Variants in DISC1 observed in about 807,000 individuals in gnomAD.
The protein encoded by DISC1 is DISC1 scaffold protein, also known as disrupted in schizophrenia 1 protein.
Under a neutral mutation model 84.5 loss-of-function variants are expected in DISC1, and 57 were observed. The observed-to-expected ratio is 0.67, with a 90% CI of 0.55 to 0.84. The LOEUF (loss-of-function observed/expected upper bound fraction) is 0.84. Ranked by LOEUF, DISC1 falls within the 40% of genes least tolerant of loss-of-function variation. The probability of loss-of-function intolerance (pLI) is 0.00; values close to 1 mark genes in which losing one functional copy is unlikely to be tolerated. For missense variants in DISC1, 1,000 were observed against 1,057.8 expected, an observed-to-expected ratio of 0.95 and a Z score of 0.76; for synonymous variants, 411 against 415.2, an observed-to-expected ratio of 0.99 and a Z score of 0.12.
At chr1:231,914,147 C>T (rs900819592) in intron 9 of DISC1, among the ~76,000 whole-genome samples, 6 of 152,194 alleles carry the variant, frequency 3.9e-5, no homozygotes, top group African/African-American at 7.2e-5. Context: ...CTTCTGTTTA[C>T]AATACGGCTG....
intron 10 of DISC1, among the ~76,000 whole-genome samples, chr1:231,967,216 C>T (rs1045935797): frequency 1.3e-5 from 2 of 152,200 alleles, no homozygotes; most frequent in Non-Finnish European, 2.9e-5. Flanking sequence ...GGTCTGTTCC[C>T]TCACCCAAGG....
intron 3 of DISC1, chr1:231,720,961 G>A (rs973490811): frequency 7.7e-7 from 1 of 1,290,940 alleles, no homozygotes; most frequent in Non-Finnish European, 1.0e-6. Flanking sequence ...TCACTGGAAG[G>A]GTTACATTTT....
At chr1:231,642,441 C>T (rs2059801156) in intron 1 of DISC1, among the ~76,000 whole-genome samples, 2 of 152,204 alleles carry the variant, frequency 1.3e-5, no homozygotes, top group Admixed American at 6.5e-5. Flanking sequence ...GCGCGGGCTG[C>T]GAGGACTGCC....
intron 3 of DISC1, among the ~76,000 whole-genome samples, chr1:231,739,457 G>A (rs1422267844): frequency 6.6e-6 from 1 of 152,188 alleles, no homozygotes; most frequent in African/African-American, 2.4e-5. Context: ...ATCACCACGT[G>A]TGCTGCCAGA....
At chr1:231,824,544 A>G (rs960399581) in intron 9 of DISC1, among the ~76,000 whole-genome samples, 2 of 152,022 alleles carry the variant, frequency 1.3e-5, no homozygotes, top group Non-Finnish European at 2.9e-5. Context: ...TTGCATCACT[A>G]TTAGTGTGAT....
Position 231,795,262 on chromosome 1 carries a change from C to A in DISC1, c.1655C>A (p.Ser552Tyr). The A allele has an allele frequency of 5.0e-6, 8 of 1,613,656 alleles. No homozygotes were observed. The highest frequency in any genetic ancestry group is 6.8e-6 in the Non-Finnish European group (8 of 1,179,658). ...TIRSLQERIK[S>Y]LNLSLKEITT... ...TCCAGCCTCCAGGAAAGAATAAAAT[C>A]CCTCAACTTGTCACTTAAAGAAATC... The change falls in exon 7 of 13, where the codon TCC becomes TAC. Residue 552 changes from serine to tyrosine, a missense_variant. Transcript: ENST00000439617.
chr1:231,633,407 G>C (rs1455189991), intron 1 of DISC1, among the ~76,000 whole-genome samples: 1 of 152,196 alleles, frequency 6.6e-6, no homozygotes, highest in African/African-American at 2.4e-5. Flanking sequence ...TGGGGAGGGG[G>C]CTGCGTTGGA....
intron 3 of DISC1, among the ~76,000 whole-genome samples, chr1:231,749,251 C>G (rs543237720): frequency 2.6e-5 from 4 of 152,312 alleles, no homozygotes; most frequent in African/African-American, 9.6e-5. Flanking sequence ...GGGGGGCAGG[C>G]AGAATGCCAG....
At chr1:231,836,806 G>A (rs2082662148) in intron 9 of DISC1, among the ~76,000 whole-genome samples, 1 of 152,110 alleles carries the variant, frequency 6.6e-6, no homozygotes. Context: ...GATAAAGTGC[G>A]CTAAGCCCCG....
At chr1:231,713,781 T>C (rs955160086) in intron 3 of DISC1, among the ~76,000 whole-genome samples, 2 of 143,824 alleles carry the variant, frequency 1.4e-5, no homozygotes, top group African/African-American at 5.1e-5. Context: ...ATATAGGAGA[T>C]ATATATATAG....
chr1:231,669,856 C>A (rs936124096), intron 1 of DISC1, among the ~76,000 whole-genome samples: 25 of 152,008 alleles, frequency 1.6e-4, no homozygotes, highest in African/African-American at 6.0e-4. Context: ...TTTGACCCAA[C>A]AATTCTATTG....
chr1:232,028,175 G>A (rs150170361), intron 12 of DISC1, among the ~76,000 whole-genome samples: 196 of 152,262 alleles, frequency 1.3e-3, no homozygotes, highest in Non-Finnish European at 2.1e-3. Context: ...CTTTGAGCAC[G>A]TGTAAGGGGG....
chr1:231,713,813 TATATATATAGGAGAG>T (rs1302442411), intron 3 of DISC1, among the ~76,000 whole-genome samples: 5 of 143,136 alleles, frequency 3.5e-5, no homozygotes, highest in East Asian at 4.0e-4. Flanking sequence ...ATATAGGAGA[TATATATATAGGAGAG>T]ATATATATAG....
At chr1:231,767,097 C>T (rs752390985) in intron 4 of DISC1, 43 bp from the exon 5 acceptor site, 6 of 1,603,662 alleles carry the variant, frequency 3.7e-6, no homozygotes, top group South Asian at 1.1e-5. Flanking sequence ...ATGAGGATTT[C>T]AGCTTCTGCA....
intron 10 of DISC1, among the ~76,000 whole-genome samples, chr1:231,995,881 G>A (rs1293928850): frequency 1.3e-5 from 2 of 151,444 alleles, no homozygotes; most frequent in South Asian, 2.1e-4. Flanking sequence ...GGGTCAAATG[G>A]TATTTCCAGT....
intron 9 of DISC1, among the ~76,000 whole-genome samples, chr1:231,892,700 T>C (rs1206383028): frequency 1.3e-5 from 2 of 151,776 alleles, no homozygotes; most frequent in African/African-American, 2.4e-5. Flanking sequence ...TCTGCTGATA[T>C]GGAGTACACT....
At chr1:231,974,927 C>T (rs1225107379) in intron 10 of DISC1, among the ~76,000 whole-genome samples, 1 of 151,968 alleles carries the variant, frequency 6.6e-6, no homozygotes, top group African/African-American at 2.4e-5. Flanking sequence ...GGTGAAACCC[C>T]GTCTCCACTA....
At chr1:231,866,690 T>A in intron 9 of DISC1, 1 of 1,378,186 alleles carries the variant, frequency 7.3e-7, no homozygotes, top group African/African-American at 1.5e-5. Context: ...GATGTCACAA[T>A]AAAAAGAAAA....
At chr1:231,962,950 C>G (rs1660585220) in intron 10 of DISC1, among the ~76,000 whole-genome samples, 1 of 152,138 alleles carries the variant, frequency 6.6e-6, no homozygotes, top group Admixed American at 6.5e-5. Context: ...AGCCTGCCTA[C>G]CTTTATCACA....
Sources: allele counts gnomAD v4.1 joint callset (sites outside exome capture counted in the v4.1 genomes callset), GRCh38; gene constraint gnomAD v4.1.1; transcripts MANE v1.5; gene names NCBI Gene and HGNC (gene_info 2026-07-23, HGNC 2026-07-21).